EFCAB5: variants seen among roughly 807,000 people sequenced by gnomAD.
The protein encoded by EFCAB5 is EF-hand calcium-binding domain-containing protein 5.
A neutral mutation model predicts 167.9 loss-of-function variants in EFCAB5; 131 were observed. The observed-to-expected ratio is 0.78, with a 90% CI of 0.68 to 0.90. EFCAB5 has a LOEUF of 0.90. Among genes scored for constraint, EFCAB5 ranks in the 40% least tolerant of loss-of-function variants. The pLI is 0.00. For synonymous variants in EFCAB5, 574 were observed against 602.8 expected (o/e 0.95, Z 0.70); for missense variants, 1,663 against 1,745.2 (o/e 0.95, Z 0.84).
At chr17:29,991,208 C>G (rs1013833562) in intron 4 of EFCAB5, among the ~76,000 whole-genome samples, 1 of 152,166 alleles carries the variant, frequency 6.6e-6, no homozygotes, top group African/African-American at 2.4e-5. Flanking sequence ...CCGACTGTCA[C>G]TCCAGTGACC....
chr17:30,025,963 G>T (rs1488201956), intron 7 of EFCAB5, among the ~76,000 whole-genome samples: 1 of 151,112 alleles, frequency 6.6e-6, no homozygotes, highest in African/African-American at 2.4e-5. Flanking sequence ...GATGGGAACT[G>T]AACAATGAGA....
chr17:30,098,711 T>C (rs1363289552), intron 22 of EFCAB5, among the ~76,000 whole-genome samples: 2 of 152,144 alleles, frequency 1.3e-5, no homozygotes, highest in Non-Finnish European at 2.9e-5. Context: ...ATTTAGTGGT[T>C]TTGAATATAT....
intron 4 of EFCAB5, among the ~76,000 whole-genome samples, chr17:29,972,292 G>A (rs1010311971): frequency 3.3e-4 from 49 of 148,376 alleles, no homozygotes; most frequent in African/African-American, 1.1e-3. Flanking sequence ...CTCGTGATCC[G>A]CCCGCCTCGG....
intron 8 of EFCAB5, among the ~76,000 whole-genome samples, chr17:30,038,200 A>G (rs776136954): frequency 6.6e-6 from 1 of 152,218 alleles, no homozygotes; most frequent in Non-Finnish European, 1.5e-5. Flanking sequence ...TCAAAGCTTC[A>G]AAGGCCTAGC....
At chr17:29,951,525 AT>A (rs1406367953) in intron 3 of EFCAB5, among the ~76,000 whole-genome samples, 20 of 119,430 alleles carry the variant, frequency 1.7e-4, no homozygotes, top group African/African-American at 1.5e-4. Context: ...TTTTTTTTTT[AT>A]TTTTTTTTTT....
intron 4 of EFCAB5, among the ~76,000 whole-genome samples, chr17:29,992,425 G>A (rs1431399867): frequency 6.6e-6 from 1 of 152,190 alleles, no homozygotes; most frequent in Non-Finnish European, 1.5e-5. Context: ...TTGGCTCACT[G>A]CAAGCTCCAC....
chr17:29,995,264 C>A (rs2068520159), intron 5 of EFCAB5, among the ~76,000 whole-genome samples: 1 of 152,146 alleles, frequency 6.6e-6, no homozygotes, highest in African/African-American at 2.4e-5. Context: ...TGTTTTTTTG[C>A]TAAAGCTTTA....
intron 10 of EFCAB5, 107 bp downstream of exon 10, chr17:30,054,255 C>G: frequency 7.3e-7 from 1 of 1,377,420 alleles, no homozygotes; most frequent in South Asian, 1.6e-5. Flanking sequence ...TCTGGCATAT[C>G]AGATCATGCA....
intron 8 of EFCAB5, among the ~76,000 whole-genome samples, chr17:30,036,033 T>TATATATTTGTATATATTTTATATATAACC (rs1163071886): frequency 5.2e-4 from 76 of 145,890 alleles, no homozygotes; most frequent in Non-Finnish European, 4.9e-4. Context: ...TATATATAAC[T>TATATATTTGTATATATTTTATATATAACC]ATATATTTGT....
intron 4 of EFCAB5, among the ~76,000 whole-genome samples, chr17:29,983,966 G>T (rs577802359): frequency 5.3e-5 from 8 of 152,168 alleles, no homozygotes; most frequent in African/African-American, 1.9e-4. Flanking sequence ...AACCAATTTT[G>T]TGTATTCATT....
chr17:30,000,129 C>T (rs1313088860), intron 7 of EFCAB5, among the ~76,000 whole-genome samples, 153 bp downstream of exon 7: 2 of 152,064 alleles, frequency 1.3e-5, no homozygotes, highest in Non-Finnish European at 2.9e-5. Context: ...TATTTCAACT[C>T]CTCTGAAATT....
chr17:30,033,183 A>G (rs1307521822), intron 7 of EFCAB5, among the ~76,000 whole-genome samples: 2 of 151,370 alleles, frequency 1.3e-5, no homozygotes, highest in African/African-American at 2.4e-5. Context: ...GGTTCACGCC[A>G]TTCTCCTGCC....
chr17:29,969,317 A>G lies in EFCAB5; in HGVS notation c.717A>G (p.Lys239=), dbSNP rs772389522. The change falls in exon 4 of 23, where the codon AAA becomes AAG. Residue 239 remains lysine, a synonymous_variant. Coordinates refer to ENST00000394835, the MANE Select transcript of EFCAB5 (RefSeq NM_198529.4). ...PGMSGYQRLM[K]EVTEDLKIYV... ...TGTCTGGTTACCAGAGGTTGATGAA[A>G]GAAGTCACAGAAGACCTGAAGATAT... 12 of 1,610,284 alleles carry G rather than the reference A, an allele frequency of 7.5e-6. No homozygotes were observed. The South Asian group carries it at 1.3e-4, about 18-fold the overall frequency.
intron 4 of EFCAB5, among the ~76,000 whole-genome samples, chr17:29,974,397 C>T (rs1272444588): frequency 6.6e-6 from 1 of 151,758 alleles, no homozygotes; most frequent in Non-Finnish European, 1.5e-5. Context: ...AAAAAATTAT[C>T]TTGGCTTGGT....
At chr17:30,065,864 C>A (rs1258413256) in intron 14 of EFCAB5, among the ~76,000 whole-genome samples, 2 of 152,118 alleles carry the variant, frequency 1.3e-5, no homozygotes, top group Non-Finnish European at 2.9e-5. Flanking sequence ...AGAAAAAGGT[C>A]ATTATATAAT....
rs766566104 is a variant in EFCAB5 at position 30,092,064 on chromosome 17, A to C, written c.4131A>C (p.Lys1377Asn). The change falls in exon 21 of 23, where the codon AAA becomes AAC. Residue 1377 changes from lysine (K) to asparagine (N), a missense_variant. Lys to Asn is a moderately conservative substitution (Grantham distance 94). Transcript: ENST00000394835. ...CTATGGAGTTGGAAGCCAACGTGAA[A>C]CTAGTGCGTGACATCCTGAAGGCGG... Reference protein sequence around the residue: ...SKSMELEANVKLVRDILKAVI... With the variant: ...SKSMELEANVNLVRDILKAVI... 6.2e-7 allele frequency: 1 copy of C among 1,614,012 alleles called. No individual in the cohort carries two copies. The highest frequency in any genetic ancestry group is 1.1e-5 in the South Asian group (1 of 91,088).
intron 7 of EFCAB5, among the ~76,000 whole-genome samples, chr17:30,010,638 T>A (rs1314244431): frequency 1.3e-5 from 2 of 152,226 alleles, no homozygotes; most frequent in Non-Finnish European, 2.9e-5. Flanking sequence ...CTTTGCCCAC[T>A]TTTTGATGCA....
intron 14 of EFCAB5, among the ~76,000 whole-genome samples, chr17:30,063,033 G>T (rs1316124901): frequency 6.6e-6 from 1 of 152,132 alleles, no homozygotes; most frequent in East Asian, 1.9e-4. Context: ...TCCCAGTGCT[G>T]AGTTGACGTA....
chr17:30,063,169 T>C (rs2151802692), intron 14 of EFCAB5, among the ~76,000 whole-genome samples: 1 of 152,246 alleles, frequency 6.6e-6, no homozygotes, highest in Middle Eastern at 3.4e-3. Context: ...GTGGCTGAAA[T>C]ACCCATCTCC....
Sources: gnomAD v4.1 joint callset for allele counts (sites outside exome capture counted in the v4.1 genomes callset) on GRCh38, gnomAD v4.1.1 for gene constraint, MANE v1.5 for transcripts, NCBI Gene and HGNC (gene_info 2026-07-23, HGNC 2026-07-21) for gene names.